The following KCNH5 variants were observed in gnomAD, a reference collection of about 807,000 sequenced individuals.
KCNH5 encodes potassium voltage-gated channel subfamily H member 5.
KCNH5 carries 46 observed loss-of-function variants against 96.1 expected under a neutral mutation model. That is an observed-to-expected ratio of 0.48 (90% CI 0.38 to 0.61). KCNH5 has a LOEUF of 0.61. KCNH5 is among the 20% of genes least tolerant of loss of function. The probability of loss-of-function intolerance (pLI) is 0.00; values close to 1 mark genes in which losing one functional copy is unlikely to be tolerated. For missense variants in KCNH5, 907 were observed against 1,225.8 expected, an observed-to-expected ratio of 0.74 and a Z score of 3.88; for synonymous variants, 439 against 449.8, an observed-to-expected ratio of 0.98 and a Z score of 0.30.
chr14:62,799,189 C>A (rs192436518), intron 9 of KCNH5, among the ~76,000 whole-genome samples: 1 of 152,130 alleles, frequency 6.6e-6, no homozygotes, highest in Admixed American at 6.6e-5. Context: ...AGAGCATAAA[C>A]CACAAGAGAT....
chr14:62,961,264 T>C (rs1890199894), intron 6 of KCNH5, among the ~76,000 whole-genome samples: 1 of 152,178 alleles, frequency 6.6e-6, no homozygotes, highest in Non-Finnish European at 1.5e-5. Flanking sequence ...TTCTGCTCTC[T>C]ACACTCTGTC....
chr14:63,033,699 T>C (rs1891670635), intron 1 of KCNH5, among the ~76,000 whole-genome samples: 1 of 152,148 alleles, frequency 6.6e-6, no homozygotes, highest in Admixed American at 6.5e-5. Context: ...CTGCTTCCTA[T>C]TTAAAGTCAT....
At chr14:62,848,752 C>T (rs1335429425) in intron 8 of KCNH5, among the ~76,000 whole-genome samples, 3 of 151,658 alleles carry the variant, frequency 2.0e-5, no homozygotes, top group African/African-American at 4.8e-5. Context: ...CGTAAGTCAA[C>T]CTCACAAGGT....
chr14:62,879,779 T>G (rs1480373719), intron 7 of KCNH5, among the ~76,000 whole-genome samples: 1 of 152,198 alleles, frequency 6.6e-6, no homozygotes, highest in Non-Finnish European at 1.5e-5. Context: ...GGTATTGATC[T>G]TTTTCCATAG....
chr14:62,968,034 T>A (rs1457515330), intron 6 of KCNH5, among the ~76,000 whole-genome samples: 4 of 152,240 alleles, frequency 2.6e-5, no homozygotes, highest in Non-Finnish European at 5.9e-5. Flanking sequence ...GACAGACTGC[T>A]TTGTCTCATT....
At chr14:62,980,120 C>A (rs1181990721) in intron 6 of KCNH5, among the ~76,000 whole-genome samples, 1 of 152,130 alleles carries the variant, frequency 6.6e-6, no homozygotes, top group East Asian at 1.9e-4. Flanking sequence ...AAGGTCCTTG[C>A]TTGTTTCCAC....
intron 1 of KCNH5, among the ~76,000 whole-genome samples, chr14:63,023,402 A>G (rs1164527280): frequency 1.3e-5 from 2 of 152,164 alleles, no homozygotes; most frequent in African/African-American, 2.4e-5. Context: ...TTCTCTTTTT[A>G]TATAATTGGT....
At chr14:62,743,589 G>A (rs951679495) in intron 10 of KCNH5, among the ~76,000 whole-genome samples, 10 of 151,822 alleles carry the variant, frequency 6.6e-5, no homozygotes, top group Admixed American at 2.6e-4. Context: ...AATCTAATAC[G>A]GGAAAGCATT....
chr14:62,941,865 T>C (rs1293081131), intron 7 of KCNH5, among the ~76,000 whole-genome samples: 3 of 152,124 alleles, frequency 2.0e-5, no homozygotes, highest in Non-Finnish European at 4.4e-5. Flanking sequence ...CTAGGTCGAG[T>C]ACCTCTCCAA....
intron 10 of KCNH5, among the ~76,000 whole-genome samples, chr14:62,737,923 G>T (rs971170611): frequency 6.6e-6 from 1 of 152,012 alleles, no homozygotes; most frequent in Non-Finnish European, 1.5e-5. Context: ...GCCCAAAACT[G>T]CAGACAGTCT....
At chr14:62,849,338 C>CT (rs1373927888) in intron 8 of KCNH5, among the ~76,000 whole-genome samples, 1 of 152,078 alleles carries the variant, frequency 6.6e-6, no homozygotes, top group Non-Finnish European at 1.5e-5. Flanking sequence ...TGGCAGCACT[C>CT]TGAGTTTTAG....
At chr14:62,919,798 G>A (rs1980561) in intron 7 of KCNH5, among the ~76,000 whole-genome samples, 51,464 of 151,778 alleles carry the variant, frequency 0.34, 9,531 homozygotes, top group South Asian at 0.6. Flanking sequence ...ACTGTGAGAG[G>A]ACTAATAATT....
intron 5 of KCNH5, among the ~76,000 whole-genome samples, chr14:62,985,314 G>T (rs1214327877): frequency 3.9e-5 from 6 of 152,038 alleles, no homozygotes; most frequent in Non-Finnish European, 7.4e-5. Flanking sequence ...AAAACCAAAA[G>T]TCTTTTTGTT....
In KCNH5 at chr14:62,792,024, T is replaced by C. The variant is rs1377584917; in HGVS notation, c.1822+10305A>G. Among the ~76,000 whole-genome samples, 5 of 151,784 alleles carry C rather than the reference T, an allele frequency of 3.3e-5. No individual in the cohort carries two copies. In the East Asian group the frequency reaches 9.6e-4, roughly 29 times the overall value. On this transcript the variant is annotated intron_variant, in intron 9 of 10. Transcript: ENST00000322893. ...TCATTTATAGATGAATAAGACTATATGATTTTTAATTACATTATTTTAAAT... is the reference window on the plus strand; with the variant it reads ...TCATTTATAGATGAATAAGACTATACGATTTTTAATTACATTATTTTAAAT...
intron 10 of KCNH5, among the ~76,000 whole-genome samples, chr14:62,715,926 A>C (rs1172818192): frequency 6.6e-6 from 1 of 152,174 alleles, no homozygotes; most frequent in Non-Finnish European, 1.5e-5. Context: ...TAATGTAAGA[A>C]GGATTAGTAT....
chr14:62,769,009 T>C (rs1885926175), intron 10 of KCNH5, among the ~76,000 whole-genome samples: 1 of 152,230 alleles, frequency 6.6e-6, no homozygotes, highest in Admixed American at 6.5e-5. Flanking sequence ...CTGCTTCATC[T>C]AAATGCACAT....
chr14:62,799,860 A>AAT (rs901534205), intron 9 of KCNH5, among the ~76,000 whole-genome samples: 5 of 144,034 alleles, frequency 3.5e-5, no homozygotes, highest in Middle Eastern at 3.6e-3. Flanking sequence ...TTTAATATTT[A>AAT]ATATATATAT....
chr14:62,884,724 A>G (rs1327839312), intron 7 of KCNH5, among the ~76,000 whole-genome samples: 1 of 152,274 alleles, frequency 6.6e-6, no homozygotes, highest in Non-Finnish European at 1.5e-5. Flanking sequence ...TGTTAAAAAA[A>G]GAAGGCAAAT....
chr14:63,045,316 C>A lies in KCNH5; in HGVS notation c.-130G>T. On this transcript the variant is annotated 5_prime_UTR_variant, in exon 1 of 11. Coordinates refer to ENST00000322893, the MANE Select transcript of KCNH5 (RefSeq NM_139318.5). ...GAAAGAAGAGGGGGCGCGGCGGCGG[C>A]GACGGGGTCCCCTGACTGTGTCTCC... The A allele has an allele frequency of 1.4e-6, 1 of 725,326 alleles. No homozygotes were observed. The highest frequency in any genetic ancestry group is 1.6e-5 in the South Asian group (1 of 61,286). The allele number at this position is 725,326 out of a possible 1,614,324, so 44.9% of individuals were successfully genotyped here.
Sources: gnomAD v4.1 joint callset for allele counts (sites outside exome capture counted in the v4.1 genomes callset) on GRCh38, gnomAD v4.1.1 for gene constraint, MANE v1.5 for transcripts, NCBI Gene and HGNC (gene_info 2026-07-23, HGNC 2026-07-21) for gene names.